Variants in NT5DC1 observed in about 807,000 individuals in gnomAD.
NT5DC1 encodes 5'-nucleotidase domain containing 1, also known as 5'-nucleotidase domain-containing protein 1.
NT5DC1 carries 42 observed loss-of-function variants against 59.4 expected under a neutral mutation model. The ratio of observed to expected loss-of-function variants is 0.71; its 90% confidence interval spans 0.55 to 0.92. The LOEUF (loss-of-function observed/expected upper bound fraction) is 0.92. NT5DC1 is among the 40% of genes least tolerant of loss of function. The pLI is 0.00. For missense variants in NT5DC1, 501 were observed against 537.1 expected (o/e 0.93, Z 0.66); for synonymous variants, 172 against 188.1 (o/e 0.91, Z 0.70).
At chr6:116,114,192 T>C (rs1291535412) in intron 4 of NT5DC1, among the ~76,000 whole-genome samples, 1 of 152,054 alleles carries the variant, frequency 6.6e-6, no homozygotes, top group Non-Finnish European at 1.5e-5. Context: ...AAAATATTTT[T>C]AACTGAGAGA....
At chr6:116,161,200 G>A (rs1486399113) in intron 6 of NT5DC1, among the ~76,000 whole-genome samples, 1 of 117,324 alleles carries the variant, frequency 8.5e-6, no homozygotes, top group Non-Finnish European at 1.7e-5. Flanking sequence ...GTGGGGTGGG[G>A]GGAGGGGGGA....
At chr6:116,137,778 T>C (rs1025403235) in intron 6 of NT5DC1, among the ~76,000 whole-genome samples, 8 of 152,262 alleles carry the variant, frequency 5.3e-5, no homozygotes, top group African/African-American at 1.9e-4. Flanking sequence ...GTTGTGAGAA[T>C]CTATTAGAAA....
At chr6:116,169,984 G>A (rs1344959392) in intron 6 of NT5DC1, among the ~76,000 whole-genome samples, 1 of 152,174 alleles carries the variant, frequency 6.6e-6, no homozygotes, top group Non-Finnish European at 1.5e-5. Context: ...AAGAGAATTA[G>A]TCACCTGTTG....
intron 6 of NT5DC1, among the ~76,000 whole-genome samples, chr6:116,197,630 A>G (rs1781262694): frequency 6.6e-6 from 1 of 152,042 alleles, no homozygotes; most frequent in Non-Finnish European, 1.5e-5. Context: ...TAGAGATTCA[A>G]ATACCATCTC....
At chr6:116,179,439 G>A (rs1213594158) in intron 6 of NT5DC1, among the ~76,000 whole-genome samples, 1 of 151,692 alleles carries the variant, frequency 6.6e-6, no homozygotes, top group Non-Finnish European at 1.5e-5. Flanking sequence ...AAACAAATCA[G>A]CAGAAAAAAA....
intron 8 of NT5DC1, among the ~76,000 whole-genome samples, chr6:116,234,982 G>A (rs1782087901): frequency 6.6e-6 from 1 of 151,368 alleles, no homozygotes; most frequent in Non-Finnish European, 1.5e-5. Flanking sequence ...CTGGAAACAG[G>A]GAGGGGAGGT....
In NT5DC1 at chr6:116,106,347, T is replaced by A; in HGVS notation, c.185+12T>A. 2.1e-6 allele frequency: 2 copies of A among 940,848 alleles called. No individual in the cohort carries two copies. The highest frequency in any genetic ancestry group is 3.2e-6 in the Non-Finnish European group (2 of 628,570). 58.3% of individuals were successfully genotyped at this position (940,848 alleles called of 1,614,324 possible). ...GATTGGGATTTCTGGTAAGTTCTTT[T>A]TTTTTTTTTTTTTTTAAGTCTGTAC... On this transcript the variant is annotated intron_variant, in intron 2 of 11. Transcript: ENST00000319550.
chr6:116,167,846 G>C (rs1025409068), intron 6 of NT5DC1, among the ~76,000 whole-genome samples: 3 of 152,068 alleles, frequency 2.0e-5, no homozygotes, highest in African/African-American at 7.2e-5. Flanking sequence ...AATCATATCT[G>C]TGTATTGGAT....
At chr6:116,199,474 G>C (rs1270847485) in intron 6 of NT5DC1, among the ~76,000 whole-genome samples, 1 of 151,992 alleles carries the variant, frequency 6.6e-6, no homozygotes, top group Non-Finnish European at 1.5e-5. Context: ...CAATGTTGTG[G>C]AAAGAGAAAT....
At position 116,249,143 on chromosome 6, in the gene NT5DC1, A is replaced by G. The variant is rs1056245913; in HGVS notation, c.*5119A>G. The G allele has an allele frequency of 1.2e-4, 18 of 149,846 alleles. No homozygotes were observed. The highest frequency in any genetic ancestry group is 2.5e-4 in the Non-Finnish European group (17 of 67,286). The allele number at this position is 149,846 out of a possible 1,614,324, so 9.3% of individuals were successfully genotyped here. On this transcript the variant is annotated 3_prime_UTR_variant, in exon 12 of 12. Coordinates refer to ENST00000319550, the MANE Select transcript of NT5DC1 (RefSeq NM_152729.3). ...ATTGTTAGAGGAATTTAGGATTAAG[A>G]TGGATGTAGAGCTTGCAAAAGAAAA...
At chr6:116,173,001 A>G (rs1475022718) in intron 6 of NT5DC1, among the ~76,000 whole-genome samples, 1 of 152,200 alleles carries the variant, frequency 6.6e-6, no homozygotes, top group Non-Finnish European at 1.5e-5. Context: ...TACATAAGAA[A>G]TTTGATCAGA....
chr6:116,215,258 A>G (rs1781667429), intron 6 of NT5DC1, among the ~76,000 whole-genome samples: 1 of 152,164 alleles, frequency 6.6e-6, no homozygotes, highest in South Asian at 2.1e-4. Context: ...ATATTTTTCC[A>G]GAAACATGAT....
intron 6 of NT5DC1, among the ~76,000 whole-genome samples, chr6:116,163,551 T>A (rs191920116): frequency 6.6e-6 from 1 of 152,212 alleles, no homozygotes; most frequent in African/African-American, 2.4e-5. Flanking sequence ...CAATTTTTGT[T>A]TATCTTCTTA....
At chr6:116,167,253 G>A (rs897074919) in intron 6 of NT5DC1, among the ~76,000 whole-genome samples, 9 of 117,130 alleles carry the variant, frequency 7.7e-5, no homozygotes, top group African/African-American at 2.8e-4. Flanking sequence ...TTGTTCTGTC[G>A]CCAGGCTGGA....
chr6:116,110,819 A>G, intron 3 of NT5DC1, 31 bp from the exon 4 acceptor site: 1 of 1,462,264 alleles, frequency 6.8e-7, no homozygotes, highest in Non-Finnish European at 9.6e-7. Flanking sequence ...GGAACCATTA[A>G]TGAGCAATGT....
intron 6 of NT5DC1, chr6:116,158,722 G>A (rs554852560): frequency 6.6e-6 from 1 of 152,324 alleles, no homozygotes; most frequent in African/African-American, 2.4e-5. Flanking sequence ...GATGCTGTCA[G>A]TGGTGATCCC....
intron 6 of NT5DC1, among the ~76,000 whole-genome samples, chr6:116,183,166 C>T (rs1242399517): frequency 6.6e-6 from 1 of 151,908 alleles, no homozygotes; most frequent in African/African-American, 2.4e-5. Context: ...TTTGCTTTGT[C>T]GAAGATCAGT....
chr6:116,119,920 G>C (rs938441824), intron 6 of NT5DC1: 4 of 734,896 alleles, frequency 5.4e-6, no homozygotes, highest in Non-Finnish European at 9.2e-6. Flanking sequence ...TCACTTTTCA[G>C]GGGGAAGGTT....
In NT5DC1 at chr6:116,247,349, TATA is replaced by T. The variant is rs745333506; in HGVS notation, c.*3328_*3330del. ...TCCAAGAATCAGGAGTCCTAAAGCA[TATA>T]ATGAGTCTGTTCCTCTTGGAAGCCA... On this transcript the variant is annotated 3_prime_UTR_variant, in exon 12 of 12. Transcript: ENST00000319550. 1.3e-5 allele frequency: 2 copies of T among 152,164 alleles called. No homozygotes were observed. Among genetic ancestry groups the T allele is most frequent in the African/African-American group, 2.4e-5 (1 of 41,442 alleles). 9.4% of individuals were successfully genotyped at this position (152,164 alleles called of 1,614,324 possible).
Sources: gnomAD v4.1 joint callset for allele counts (sites outside exome capture counted in the v4.1 genomes callset) on GRCh38, gnomAD v4.1.1 for gene constraint, MANE v1.5 for transcripts, NCBI Gene and HGNC (gene_info 2026-07-23, HGNC 2026-07-21) for gene names.